The following PDE1C variants were observed in gnomAD, a reference collection of about 807,000 sequenced individuals.
The protein encoded by PDE1C is phosphodiesterase 1C, also known as dual specificity calcium/calmodulin-dependent 3',5'-cyclic nucleotide phosphodiesterase 1C.
Under a neutral mutation model 93.1 loss-of-function variants are expected in PDE1C, and 62 were observed. The ratio of observed to expected loss-of-function variants is 0.67; its 90% CI spans 0.54 to 0.82. The LOEUF (loss-of-function observed/expected upper bound fraction) is 0.82, where lower values mean the gene tolerates loss of function less well. PDE1C is among the 40% of genes least tolerant of loss of function. The pLI is 0.00. For synonymous variants in PDE1C, 325 were observed against 310.1 expected (o/e 1.05, Z -0.50); for missense variants, 742 against 884.6 (o/e 0.84, Z 2.04).
chr7:31,996,624 A>G (rs1453720598), intron 2 of PDE1C, among the ~76,000 whole-genome samples: 26 of 152,354 alleles, frequency 1.7e-4, no homozygotes, highest in Non-Finnish European at 2.9e-5. Context: ...GTGTGTGCAC[A>G]TGTAAGTGTC....
chr7:32,016,263 C>T (rs888010127), intron 2 of PDE1C, among the ~76,000 whole-genome samples: 2 of 152,172 alleles, frequency 1.3e-5, no homozygotes, highest in African/African-American at 4.8e-5. Context: ...AAGCTGTTTT[C>T]TTTATTAGAG....
intron 16 of PDE1C, chr7:31,786,861 T>C (rs1315227334): frequency 6.6e-6 from 1 of 152,124 alleles, no homozygotes; most frequent in Non-Finnish European, 1.5e-5. Context: ...AAGTCTCTGC[T>C]CATAGGTTAA....
chr7:32,414,662 G>A (rs1207554268), intron 1 of PDE1C, among the ~76,000 whole-genome samples: 1 of 152,166 alleles, frequency 6.6e-6, no homozygotes, highest in African/African-American at 2.4e-5. Context: ...TTCACAAAAA[G>A]TGGAGAGAGG....
intron 1 of PDE1C, among the ~76,000 whole-genome samples, chr7:32,305,041 AG>A (rs1812965197): frequency 6.6e-6 from 1 of 152,178 alleles, no homozygotes; most frequent in Non-Finnish European, 1.5e-5. Flanking sequence ...GTGAGCAATG[AG>A]ACCGGACGTT....
intron 1 of PDE1C, among the ~76,000 whole-genome samples, chr7:32,333,614 A>G (rs1255229112): frequency 1.1e-4 from 16 of 152,098 alleles, no homozygotes; most frequent in Admixed American, 1.0e-3. Flanking sequence ...ACACGCTTTA[A>G]CCCACCGTTT....
intron 3 of PDE1C, among the ~76,000 whole-genome samples, chr7:32,102,156 G>A (rs747040513): frequency 1.4e-4 from 21 of 152,082 alleles, no homozygotes; most frequent in Non-Finnish European, 2.8e-4. Flanking sequence ...ACAAAACATC[G>A]AAACCCTATC....
At chr7:32,240,267 T>A (rs1808445647) in intron 1 of PDE1C, among the ~76,000 whole-genome samples, 1 of 152,208 alleles carries the variant, frequency 6.6e-6, no homozygotes, top group South Asian at 2.1e-4. Flanking sequence ...TGGTAATGAA[T>A]GATTATCTGG....
chr7:32,401,612 C>T (rs1005900758), intron 1 of PDE1C, among the ~76,000 whole-genome samples: 1 of 152,072 alleles, frequency 6.6e-6, no homozygotes, highest in African/African-American at 2.4e-5. Flanking sequence ...AAACAGATGT[C>T]CTGATGCTTT....
At chr7:32,031,683 T>C (rs2128636687) in intron 2 of PDE1C, among the ~76,000 whole-genome samples, 1 of 152,280 alleles carries the variant, frequency 6.6e-6, no homozygotes, top group South Asian at 2.1e-4. Flanking sequence ...GGAAGTCAAA[T>C]TAGACTAGGG....
intron 1 of PDE1C, among the ~76,000 whole-genome samples, chr7:32,255,514 G>C (rs1809725765): frequency 6.6e-6 from 1 of 152,210 alleles, no homozygotes; most frequent in Non-Finnish European, 1.5e-5. Flanking sequence ...CATTTGAACA[G>C]ACCCCAATTC....
intron 6 of PDE1C, among the ~76,000 whole-genome samples, chr7:31,872,763 C>CT (rs1462186402): frequency 6.6e-6 from 1 of 152,060 alleles, no homozygotes; most frequent in Admixed American, 6.6e-5. Context: ...GAGTTGAACA[C>CT]TGGAAATGAT....
At chr7:32,209,856 C>A (rs1007868700) in intron 1 of PDE1C, among the ~76,000 whole-genome samples, 4 of 152,192 alleles carry the variant, frequency 2.6e-5, no homozygotes, top group Non-Finnish European at 5.9e-5. Flanking sequence ...CACACACCAG[C>A]TTCCAAGCTA....
the PDE1C span, chr7:31,642,246 G>A: frequency 1.1e-5 from 17 of 1,552,180 alleles, no homozygotes; most frequent in African/African-American, 8.2e-5. Flanking sequence ...CGCTGGAACC[G>A]CTGCCCCTCC....
chr7:31,699,044 C>G, the PDE1C span, among the ~76,000 whole-genome samples: 772 of 152,240 alleles, frequency 5.1e-3, 8 homozygotes, highest in African/African-American at 0.017. Context: ...AGTCCTTGCT[C>G]TCATGGTGTT....
chr7:31,719,662 C>T, the PDE1C span, among the ~76,000 whole-genome samples: 3 of 152,204 alleles, frequency 2.0e-5, no homozygotes, highest in Non-Finnish European at 2.9e-5. Flanking sequence ...TGTGGCTCTA[C>T]ATTTTGTCCG....
At chr7:31,669,422 C>T in the PDE1C span, among the ~76,000 whole-genome samples, 1 of 152,074 alleles carries the variant, frequency 6.6e-6, no homozygotes, top group Non-Finnish European at 1.5e-5. Flanking sequence ...TTAAGCTACT[C>T]TTATATAATT....
intron 2 of PDE1C, among the ~76,000 whole-genome samples, chr7:31,912,643 T>A (rs1801392937): frequency 6.6e-6 from 1 of 152,104 alleles, no homozygotes; most frequent in Non-Finnish European, 1.5e-5. Context: ...GCTATGATCA[T>A]GCCACTGCAC....
the PDE1C span, among the ~76,000 whole-genome samples, chr7:31,644,534 T>A: frequency 6.6e-6 from 1 of 152,226 alleles, no homozygotes; most frequent in Non-Finnish European, 1.5e-5. Context: ...TTTTACATTG[T>A]TCAGGTCTTG....
chr7:31,996,381 T>C (rs912088446), intron 2 of PDE1C, among the ~76,000 whole-genome samples: 1 of 152,104 alleles, frequency 6.6e-6, no homozygotes, highest in Non-Finnish European at 1.5e-5. Context: ...GCAGCTCTGA[T>C]ATAAAGTCTT....
Sources: gnomAD v4.1 joint callset for allele counts (sites outside exome capture counted in the v4.1 genomes callset) on GRCh38, gnomAD v4.1.1 for gene constraint, MANE v1.5 for transcripts, NCBI Gene and HGNC (gene_info 2026-07-23, HGNC 2026-07-21) for gene names.